The following MANEA variants were observed in gnomAD, a reference collection of about 807,000 sequenced individuals.
MANEA encodes the protein glycoprotein endo-alpha-1,2-mannosidase.
MANEA carries 25 observed loss-of-function variants against 36.8 expected under a neutral mutation model. The observed-to-expected ratio is 0.68, with a 90% CI of 0.50 to 0.95. The LOEUF (loss-of-function observed/expected upper bound fraction) is 0.95. Among genes scored for constraint, MANEA ranks in the 40% least tolerant of loss-of-function variants. The pLI is 0.00. For synonymous variants in MANEA, 198 were observed against 188.5 expected, an observed-to-expected ratio of 1.05 and a Z score of -0.41; for missense variants, 565 against 558.8, an observed-to-expected ratio of 1.01 and a Z score of -0.11.
At chr6:95,584,829 T>A (rs1272028779) in intron 1 of MANEA, among the ~76,000 whole-genome samples, 1 of 152,198 alleles carries the variant, frequency 6.6e-6, no homozygotes, top group African/African-American at 2.4e-5. Context: ...GTACTCTCTC[T>A]CTTATTTCTC....
At chr6:95,595,184 A>AT (rs796228033) in intron 2 of MANEA, among the ~76,000 whole-genome samples, 1 of 151,992 alleles carries the variant, frequency 6.6e-6, no homozygotes, top group Non-Finnish European at 1.5e-5. Flanking sequence ...GCATAAAATA[A>AT]TTTTTTCGTA....
chr6:95,596,666 A>G, intron 2 of MANEA, 71 bp from the exon 3 acceptor site: 1 of 807,378 alleles, frequency 1.2e-6, no homozygotes, highest in Non-Finnish European at 2.1e-6. Flanking sequence ...TTTGGTACTT[A>G]CTGTGCCTTT....
chr6:95,595,882 C>T (rs965315658), intron 2 of MANEA, among the ~76,000 whole-genome samples: 6 of 152,048 alleles, frequency 3.9e-5, no homozygotes, highest in Admixed American at 3.9e-4. Context: ...AGGTATTGAT[C>T]TACACAAAAA....
chr6:95,583,508 A>G (rs1357433612), intron 1 of MANEA, among the ~76,000 whole-genome samples: 1 of 152,152 alleles, frequency 6.6e-6, no homozygotes, highest in Non-Finnish European at 1.5e-5. Flanking sequence ...TATACAGTAT[A>G]CATATATACA....
intron 3 of MANEA, among the ~76,000 whole-genome samples, chr6:95,601,141 T>C (rs1405694989): frequency 6.6e-6 from 1 of 152,254 alleles, no homozygotes; most frequent in Non-Finnish European, 1.5e-5. Context: ...CTTGTCTGCA[T>C]GTTTGCTAGA....
chr6:95,578,262 A>G (rs993201332), intron 1 of MANEA, among the ~76,000 whole-genome samples: 1 of 152,080 alleles, frequency 6.6e-6, no homozygotes, highest in Non-Finnish European at 1.5e-5. Flanking sequence ...GTGCTGGATT[A>G]GTGTTTTTGT....
At chr6:95,583,504 G>T (rs1292864846) in intron 1 of MANEA, among the ~76,000 whole-genome samples, 1 of 151,918 alleles carries the variant, frequency 6.6e-6, no homozygotes, top group Non-Finnish European at 1.5e-5. Context: ...CGTATATACA[G>T]TATACATATA....
At chr6:95,582,245 G>A (rs1168476177) in intron 1 of MANEA, among the ~76,000 whole-genome samples, 4 of 144,464 alleles carry the variant, frequency 2.8e-5, no homozygotes, top group East Asian at 4.2e-4. Flanking sequence ...GTGCAGTGGC[G>A]CGATCTCTGC....
At chr6:95,604,556 A>G (rs112427662) in intron 3 of MANEA, among the ~76,000 whole-genome samples, 94 of 152,152 alleles carry the variant, frequency 6.2e-4, no homozygotes, top group African/African-American at 2.0e-3. Flanking sequence ...AACCTTTCTT[A>G]AGGTTCTGTC....
chr6:95,595,064 T>C (rs1214760282), intron 2 of MANEA, among the ~76,000 whole-genome samples: 1 of 152,156 alleles, frequency 6.6e-6, no homozygotes, highest in African/African-American at 2.4e-5. Flanking sequence ...AGGAATCTTG[T>C]TTTGTTTTTA....
chr6:95,594,060 CA>C (rs565209547), intron 2 of MANEA, among the ~76,000 whole-genome samples: 2,335 of 130,176 alleles, frequency 0.018, 56 homozygotes, highest in African/African-American at 0.061. Context: ...GATTCCGTCT[CA>C]AAAAAAAAAA....
At chr6:95,587,115 A>G (rs1374133344) in intron 2 of MANEA, 132 bp downstream of exon 2, 1 of 628,762 alleles carries the variant, frequency 1.6e-6, no homozygotes, top group Non-Finnish European at 2.8e-6. Flanking sequence ...TCCAAATTAA[A>G]CTGTATGTAT....
At position 95,579,372 on chromosome 6, in the gene MANEA, AAAAAC is replaced by A. The variant is rs563079905; in HGVS notation, c.-39+1754_-39+1758del. On this transcript the variant is annotated intron_variant, in intron 1 of 4. Transcript: ENST00000358812. ...TGGCAACAGAGTGAGACTCCATCTCAAAAACAAAACAAAACAAAACAAAAAACAGA... is the reference window on the plus strand; with the variant it reads ...TGGCAACAGAGTGAGACTCCATCTCAAAAACAAAACAAAACAAAAAACAGA... Among the ~76,000 whole-genome samples, 383 of 152,292 alleles carry A rather than the reference AAAAAC, an allele frequency of 2.5e-3. 2 individuals are homozygous for A. The highest frequency in any genetic ancestry group is 8.7e-3 in the African/African-American group (363 of 41,552).
intron 1 of MANEA, among the ~76,000 whole-genome samples, chr6:95,584,438 G>A (rs1292606058): frequency 6.6e-6 from 1 of 152,172 alleles, no homozygotes; most frequent in African/African-American, 2.4e-5. Flanking sequence ...GTCCTATGCG[G>A]TTGAGATAAG....
At chr6:95,584,828 C>G (rs9481588) in intron 1 of MANEA, among the ~76,000 whole-genome samples, 26,738 of 152,130 alleles carry the variant, frequency 0.18, 2,468 homozygotes, top group African/African-American at 0.2. Context: ...TGTACTCTCT[C>G]TCTTATTTCT....
chr6:95,584,094 C>T (rs905619215), intron 1 of MANEA, among the ~76,000 whole-genome samples: 7 of 152,142 alleles, frequency 4.6e-5, no homozygotes, highest in African/African-American at 1.4e-4. Flanking sequence ...CTCTTATCTT[C>T]GTAAACTGAG....
chr6:95,590,375 A>G (rs1769365450), intron 2 of MANEA, among the ~76,000 whole-genome samples: 1 of 152,188 alleles, frequency 6.6e-6, no homozygotes, highest in Non-Finnish European at 1.5e-5. Flanking sequence ...AAAAATGAGC[A>G]AGTCACATTT....
intron 2 of MANEA, among the ~76,000 whole-genome samples, chr6:95,589,655 A>G (rs956223240): frequency 1.3e-5 from 2 of 152,090 alleles, no homozygotes; most frequent in African/African-American, 4.8e-5. Context: ...CATGTATTCT[A>G]TCCTCTTGTA....
chr6:95,583,687 G>A (rs1477237615), intron 1 of MANEA, among the ~76,000 whole-genome samples: 1 of 152,142 alleles, frequency 6.6e-6, no homozygotes. Context: ...AGGGAGAAGG[G>A]CAGGACTGGT....
Sources: gnomAD v4.1 joint callset for allele counts (sites outside exome capture counted in the v4.1 genomes callset) on GRCh38, gnomAD v4.1.1 for gene constraint, MANE v1.5 for transcripts, NCBI Gene and HGNC (gene_info 2026-07-23, HGNC 2026-07-21) for gene names.